SMYD3: variants seen among roughly 807,000 people sequenced by gnomAD.
SMYD3 encodes histone-lysine N-methyltransferase SMYD3.
In SMYD3, 36 loss-of-function variants were observed where a neutral mutation model predicts 57.7. The ratio of observed to expected loss-of-function variants is 0.62; its 90% confidence interval spans 0.48 to 0.82. The LOEUF (loss-of-function observed/expected upper bound fraction) is 0.82, where lower values mean the gene tolerates loss of function less well. SMYD3 is among the 40% of genes least tolerant of loss of function. The pLI, the probability that SMYD3 is intolerant of heterozygous loss-of-function variation, is 0.00. For synonymous variants in SMYD3, 211 were observed against 195.0 expected, an observed-to-expected ratio of 1.08 and a Z score of -0.68; for missense variants, 515 against 538.8, an observed-to-expected ratio of 0.96 and a Z score of 0.44.
chr1:246,024,140 C>T (rs545051531), intron 5 of SMYD3, among the ~76,000 whole-genome samples: 19 of 152,304 alleles, frequency 1.2e-4, no homozygotes, highest in Non-Finnish European at 2.1e-4. Context: ...CATACTCCAT[C>T]AGATTCTGCT....
intron 10 of SMYD3, among the ~76,000 whole-genome samples, chr1:245,807,472 G>A (rs1344631374): frequency 6.6e-6 from 1 of 152,168 alleles, no homozygotes; most frequent in South Asian, 2.1e-4. Flanking sequence ...TTGTTCACTG[G>A]TGACAACTCA....
chr1:246,346,930 A>G (rs1292920713), intron 2 of SMYD3, among the ~76,000 whole-genome samples: 1 of 152,226 alleles, frequency 6.6e-6, no homozygotes, highest in East Asian at 1.9e-4. Context: ...TCCAGTGGAA[A>G]AGGAGACAGC....
chr1:246,100,000 A>G (rs2147928861), intron 5 of SMYD3, among the ~76,000 whole-genome samples: 1 of 152,286 alleles, frequency 6.6e-6, no homozygotes, highest in South Asian at 2.1e-4. Flanking sequence ...ATGTGCTAGG[A>G]TATATTTATC....
At chr1:245,926,963 TAAG>T (rs1265621258) in intron 7 of SMYD3, among the ~76,000 whole-genome samples, 2 of 152,250 alleles carry the variant, frequency 1.3e-5, no homozygotes, top group South Asian at 2.1e-4. Flanking sequence ...AGTAGTTGTA[TAAG>T]AAGTGGCTCC....
chr1:246,090,231 C>G (rs1445352818), intron 5 of SMYD3, among the ~76,000 whole-genome samples: 1 of 152,154 alleles, frequency 6.6e-6, no homozygotes, highest in Non-Finnish European at 1.5e-5. Context: ...AATGGCCAAA[C>G]TGTCCAACAT....
At chr1:246,002,492 G>C (rs111780258) in intron 5 of SMYD3, among the ~76,000 whole-genome samples, 603 of 34,544 alleles carry the variant, frequency 0.017, 68 homozygotes, top group East Asian at 0.032. Flanking sequence ...CTAATTTTTT[G>C]TATTTTTAGT....
intron 5 of SMYD3, among the ~76,000 whole-genome samples, chr1:245,996,709 C>A (rs1572863509): frequency 1.3e-5 from 2 of 152,184 alleles, no homozygotes; most frequent in East Asian, 3.9e-4. Context: ...TTTAAAAGCC[C>A]AAAACAAATG....
chr1:246,476,858 C>A (rs1249402187), intron 1 of SMYD3, among the ~76,000 whole-genome samples: 2 of 152,048 alleles, frequency 1.3e-5, no homozygotes, highest in Non-Finnish European at 2.9e-5. Context: ...CATGTAAAAA[C>A]AAATACATCA....
At chr1:246,323,925 T>A (rs2065292792) in intron 5 of SMYD3, among the ~76,000 whole-genome samples, 1 of 151,724 alleles carries the variant, frequency 6.6e-6, no homozygotes. Context: ...GAACTGTAAG[T>A]ATTAAAAATG....
At chr1:245,998,363 T>C (rs991945474) in intron 5 of SMYD3, among the ~76,000 whole-genome samples, 1 of 152,184 alleles carries the variant, frequency 6.6e-6, no homozygotes, top group Admixed American at 6.5e-5. Flanking sequence ...AATAAATAAT[T>C]CTAAGTCAGT....
chr1:246,481,602 A>ATG (rs2068102616), intron 1 of SMYD3, among the ~76,000 whole-genome samples: 3 of 82,508 alleles, frequency 3.6e-5, no homozygotes, highest in Non-Finnish European at 6.8e-5. Context: ...CCATATATAT[A>ATG]TATATACACA....
intron 2 of SMYD3, among the ~76,000 whole-genome samples, chr1:246,349,033 G>A (rs934148180): frequency 8.6e-5 from 13 of 151,982 alleles, no homozygotes; most frequent in Admixed American, 7.2e-4. Context: ...ACTTTTTCAG[G>A]AAAACAAAAG....
intron 1 of SMYD3, among the ~76,000 whole-genome samples, chr1:246,386,482 G>A (rs901281650): frequency 2.0e-5 from 3 of 152,078 alleles, no homozygotes; most frequent in Non-Finnish European, 4.4e-5. Flanking sequence ...ACAAAGAGGC[G>A]CTAAAGTTGA....
intron 5 of SMYD3, among the ~76,000 whole-genome samples, chr1:245,962,644 G>T (rs143904786): frequency 6.6e-6 from 1 of 152,124 alleles, no homozygotes; most frequent in Non-Finnish European, 1.5e-5. Context: ...TGTGGGTTGC[G>T]TCGAACAATA....
At chr1:245,777,147 A>C (rs1487149815) in intron 10 of SMYD3, among the ~76,000 whole-genome samples, 1 of 152,222 alleles carries the variant, frequency 6.6e-6, no homozygotes, top group South Asian at 2.1e-4. Context: ...CTGCATCACT[A>C]GTAAGAATAA....
At chr1:246,107,155 C>T (rs1409865625) in intron 5 of SMYD3, among the ~76,000 whole-genome samples, 1 of 147,900 alleles carries the variant, frequency 6.8e-6, no homozygotes, top group African/African-American at 2.5e-5. Context: ...GGCGTGGTGG[C>T]AGGCGCCTGT....
chr1:246,211,552 T>G (rs1006197836), intron 5 of SMYD3, among the ~76,000 whole-genome samples: 7 of 151,984 alleles, frequency 4.6e-5, no homozygotes, highest in Admixed American at 4.6e-4. Flanking sequence ...TAATTGTACC[T>G]GTGATGAAAG....
intron 10 of SMYD3, among the ~76,000 whole-genome samples, chr1:245,800,143 C>G (rs2047784213): frequency 6.6e-6 from 1 of 152,132 alleles, no homozygotes; most frequent in Admixed American, 6.5e-5. Context: ...TGTGCAGGTT[C>G]TTGAGTGTGG....
intron 5 of SMYD3, among the ~76,000 whole-genome samples, chr1:246,013,029 C>G (rs2059311956): frequency 7.4e-6 from 1 of 134,838 alleles, no homozygotes; most frequent in Non-Finnish European, 1.7e-5. Flanking sequence ...ACAAGGAAAA[C>G]ACAGAAGTCA....
Sources: allele counts gnomAD v4.1 joint callset (sites outside exome capture counted in the v4.1 genomes callset), GRCh38; gene constraint gnomAD v4.1.1; transcripts MANE v1.5; gene names NCBI Gene and HGNC (gene_info 2026-07-23, HGNC 2026-07-21).